The following FAT1 variants were observed in gnomAD, a reference collection of about 807,000 sequenced individuals.
FAT1 encodes protocadherin Fat 1.
Under a neutral mutation model 329.8 loss-of-function variants are expected in FAT1, and 171 were observed. The observed-to-expected ratio is 0.52, with a 90% CI of 0.46 to 0.59. The LOEUF is 0.59. Ranked by LOEUF, FAT1 falls within the 20% of genes least tolerant of loss-of-function variation. The pLI is 0.00. For synonymous variants in FAT1, 2,233 were observed against 2,228.6 expected, an observed-to-expected ratio of 1.00 and a Z score of -0.06; for missense variants, 5,672 against 5,774.4, an observed-to-expected ratio of 0.98 and a Z score of 0.57.
At chr4:186,646,752 C>T (rs1300479947) in intron 3 of FAT1, among the ~76,000 whole-genome samples, 2 of 151,264 alleles carry the variant, frequency 1.3e-5, no homozygotes, top group Non-Finnish European at 2.9e-5. Flanking sequence ...GTAAAACTTT[C>T]CTAGATTTTG....
At chr4:186,592,744 CTA>C in intron 26 of FAT1, 1 of 456,664 alleles carries the variant, frequency 2.2e-6, no homozygotes, top group East Asian at 7.0e-5. Context: ...ATTACGGTCA[CTA>C]TGGAAGCTTG....
At chr4:186,675,663 G>A (rs369100492) in intron 2 of FAT1, among the ~76,000 whole-genome samples, 2 of 151,830 alleles carry the variant, frequency 1.3e-5, no homozygotes, top group South Asian at 2.1e-4. Flanking sequence ...AGGCTGAGGT[G>A]GGAGGATCAC....
chr4:186,669,428 G>T (rs959011485), intron 2 of FAT1, among the ~76,000 whole-genome samples: 1 of 152,232 alleles, frequency 6.6e-6, no homozygotes, highest in Non-Finnish European at 1.5e-5. Flanking sequence ...CTTGTTACGT[G>T]TGCCACTCAG....
chr4:186,651,521 T>C (rs569512254), intron 3 of FAT1, among the ~76,000 whole-genome samples: 2 of 152,166 alleles, frequency 1.3e-5, no homozygotes, highest in Admixed American at 1.3e-4. Flanking sequence ...AAATCTTTCA[T>C]GAGTATCACG....
In FAT1 at chr4:186,588,399, C is replaced by T. The variant is rs763556862; in HGVS notation, c.*193G>A. The T allele has an allele frequency of 3.4e-5, 21 of 613,542 alleles. No individual in the cohort carries two copies. The highest frequency in any genetic ancestry group is 1.0e-4 in the South Asian group (4 of 38,138). 38.0% of individuals were successfully genotyped at this position (613,542 alleles called of 1,614,324 possible). A position where few individuals can be genotyped will look rare whatever the true frequency, so the allele number is the denominator to read the frequency against. ...AAAAGACGTTGGGAAATGGCACAGC[C>T]GATGAAAACCTCACGATGACAGTAG... On this transcript the variant is annotated 3_prime_UTR_variant, in exon 27 of 27. Coordinates refer to ENST00000441802, the MANE Select transcript of FAT1 (RefSeq NM_005245.4).
intron 2 of FAT1, among the ~76,000 whole-genome samples, chr4:186,692,579 T>A (rs1743834902): frequency 6.6e-6 from 1 of 152,224 alleles, no homozygotes. Flanking sequence ...CCCAAAGTGC[T>A]GGGAATCTTA....
chr4:186,722,959 G>A (rs888834629), intron 1 of FAT1, among the ~76,000 whole-genome samples: 1 of 151,612 alleles, frequency 6.6e-6, no homozygotes, highest in East Asian at 1.9e-4. Context: ...ATACAATTGC[G>A]TCCTTGTTTC....
intron 26 of FAT1, chr4:186,592,749 G>A: frequency 2.2e-6 from 1 of 456,652 alleles, no homozygotes; most frequent in Non-Finnish European, 4.4e-6. Context: ...GGTCACTATG[G>A]AAGCTTGCAA....
At chr4:186,724,743 G>A (rs181936094), upstream of FAT1, among the ~76,000 whole-genome samples, 332 of 152,322 alleles carry the variant, frequency 2.2e-3, 1 homozygote, top group South Asian at 3.7e-3. The surrounding 1 kb of genome is among the most constrained non-coding windows in gnomAD (Gnocchi z 5.3). Context: ...GGGCGGACTC[G>A]GCCGAAGCCC....
At chr4:186,641,763 T>A (rs1741106511) in intron 3 of FAT1, among the ~76,000 whole-genome samples, 1 of 152,106 alleles carries the variant, frequency 6.6e-6, no homozygotes. Context: ...TCCCAGCACT[T>A]TGGGAGGCTG....
At chr4:186,648,041 A>G (rs914256428) in intron 3 of FAT1, among the ~76,000 whole-genome samples, 1 of 152,150 alleles carries the variant, frequency 6.6e-6, no homozygotes, top group Non-Finnish European at 1.5e-5. Context: ...CAGCAAGGCA[A>G]GGGGCTGATG....
intron 6 of FAT1, among the ~76,000 whole-genome samples, chr4:186,635,374 CATT>C (rs1162980919): frequency 1.3e-5 from 2 of 152,128 alleles, no homozygotes; most frequent in Non-Finnish European, 2.9e-5. Flanking sequence ...TAGGGTATTA[CATT>C]CAATGTCTTA....
chr4:186,668,958 C>T (rs995546721), intron 2 of FAT1, among the ~76,000 whole-genome samples: 1 of 152,128 alleles, frequency 6.6e-6, no homozygotes, highest in Non-Finnish European at 1.5e-5. Context: ...TCAATAAGTA[C>T]TTTTTTATAT....
intron 1 of FAT1, among the ~76,000 whole-genome samples, chr4:186,711,925 C>CA (rs577502711): frequency 2.8e-4 from 43 of 152,082 alleles, no homozygotes; most frequent in Non-Finnish European, 5.0e-4. Flanking sequence ...GTCTCAAAAA[C>CA]AAAAAAACAA....
chr4:186,605,267 G>A (rs1200687013), intron 17 of FAT1, among the ~76,000 whole-genome samples: 2 of 146,536 alleles, frequency 1.4e-5, no homozygotes, highest in African/African-American at 2.5e-5. Context: ...GAGGAGTGGG[G>A]AGGAGAAAGA....
At chr4:186,665,046 C>T (rs1024829406) in intron 2 of FAT1, among the ~76,000 whole-genome samples, 16 of 152,068 alleles carry the variant, frequency 1.1e-4, no homozygotes, top group African/African-American at 3.6e-4. Context: ...CTAATACTCC[C>T]AAAAGGACTC....
Position 186,633,751 on chromosome 4 carries a change from G to C in FAT1, c.4256C>G (p.Ala1419Gly). The C allele has an allele frequency of 6.2e-7, 1 of 1,613,928 alleles. No homozygotes were observed. Among genetic ancestry groups the C allele is most frequent in the East Asian group, 2.2e-5 (1 of 44,882 alleles). Residue 1419 changes from alanine to glycine, a missense_variant, in exon 7 of 27, where the codon GCA becomes GGA. Ala to Gly is a moderately conservative substitution (Grantham distance 60, BLOSUM62 0). This residue lies in a region of FAT1 where 3,966 missense variants were observed against 3,915.2 expected (regional missense o/e 1.01). Transcript: ENST00000441802. The part of the protein sequence containing the change: ...GTIIVAKPLD[A>G]EQKSNYNLTV... ...GAGGTTGTAGTTTGACTTCTGTTCT[G>C]CATCAAGAGGTTTGGCAACAATGAT...
chr4:186,695,827 T>A (rs1579463102), intron 2 of FAT1, among the ~76,000 whole-genome samples: 1 of 150,376 alleles, frequency 6.6e-6, no homozygotes, highest in East Asian at 2.0e-4. Flanking sequence ...GTTTCACTCT[T>A]GTCCCCCAGG....
At chr4:186,616,005 G>C (rs978866962) in intron 11 of FAT1, among the ~76,000 whole-genome samples, 1 of 152,004 alleles carries the variant, frequency 6.6e-6, no homozygotes, top group African/African-American at 2.4e-5. Flanking sequence ...GGCCTTGGTC[G>C]CTCCCCCTAC....
Sources: allele counts gnomAD v4.1 joint callset (sites outside exome capture counted in the v4.1 genomes callset), GRCh38; gene constraint gnomAD v4.1.1; regional missense constraint gnomAD v4.1.1; non-coding constraint Gnocchi (gnomAD v3.1); transcripts MANE v1.5; gene names NCBI Gene and HGNC (gene_info 2026-07-23, HGNC 2026-07-21).